The following CSNK2B variants were observed in gnomAD, a reference collection of about 807,000 sequenced individuals.
CSNK2B encodes the protein casein kinase 2 beta.
CSNK2B carries 2 observed loss-of-function variants against 28.8 expected under a neutral mutation model. The observed-to-expected ratio is 0.07, with a 90% CI of 0.03 to 0.22. The LOEUF (loss-of-function observed/expected upper bound fraction) is 0.22, where lower values mean the gene tolerates loss of function less well. Among genes scored for constraint, CSNK2B ranks in the 10% least tolerant of loss-of-function variants. The pLI, the probability that CSNK2B is intolerant of heterozygous loss-of-function variation, is 1.00. For missense variants in CSNK2B, 107 were observed against 277.9 expected, an observed-to-expected ratio of 0.39 and a Z score of 4.37; for synonymous variants, 89 against 96.1, an observed-to-expected ratio of 0.93 and a Z score of 0.43.
Position 31,669,466 on chromosome 6 carries a change from C to G in CSNK2B, c.515C>G (p.Pro172Arg), listed in dbSNP as rs1355013043. Reference protein sequence around the residue: ...GFPHMLFMVHPEYRPKRPANQ... With the variant: ...GFPHMLFMVHREYRPKRPANQ... ...CCTCACATGCTCTTCATGGTGCATC[C>G]CGAGTACCGGCCCAAGAGACCTGCC... The change falls in exon 6 of 7, where the codon CCC becomes CGC. Residue 172 changes from proline (P) to arginine (R), a missense_variant. Transcript: ENST00000375882. This position sits in a 1 kb window ranked among gnomAD's most constrained non-coding sequence, Gnocchi z 4.8. 1 of 1,612,966 alleles carries G rather than the reference C, an allele frequency of 6.2e-7. No homozygotes were observed. Among genetic ancestry groups the G allele is most frequent in the South Asian group, 1.1e-5 (1 of 91,082 alleles).
chr6:31,670,001 T>A lies in CSNK2B; in HGVS notation c.*75T>A. The A allele has an allele frequency of 8.0e-7, 1 of 1,242,890 alleles. No homozygotes were observed. The highest frequency in any genetic ancestry group is 1.4e-5 in the South Asian group (1 of 70,652). 77.0% of individuals were successfully genotyped at this position (1,242,890 alleles called of 1,614,324 possible). A position where few individuals can be genotyped will look rare whatever the true frequency, so the allele number is the denominator to read the frequency against. ...CCACCCTTTCAGGAACCCTGTATGG[T>A]TTTTAGTTTAAATTAAAGGAGTCGT... is the stretch of plus-strand genomic sequence containing the variant. On this transcript the variant is annotated 3_prime_UTR_variant, in exon 7 of 7. Coordinates refer to ENST00000375882, the MANE Select transcript of CSNK2B (RefSeq NM_001320.7).
chr6:31,669,790 G>C lies in CSNK2B; in HGVS notation c.558-46G>C, dbSNP rs769193185. ...GGAATGCAGGTGACTGGCAGGGCCT[G>C]GATGGGGCTCATGCTGCTGCCTCTC... On this transcript the variant is annotated intron_variant, in intron 6 of 6. Coordinates refer to ENST00000375882, the MANE Select transcript of CSNK2B (RefSeq NM_001320.7). This position sits in a 1 kb window ranked among gnomAD's most constrained non-coding sequence, Gnocchi z 4.8. The C allele has an allele frequency of 6.5e-7, 1 of 1,529,652 alleles. No homozygotes were observed. The highest frequency in any genetic ancestry group is 1.8e-5 in the Admixed American group (1 of 55,256). The allele number at this position is 1,529,652 out of a possible 1,614,324, so 94.8% of individuals were successfully genotyped here.
intron 4 of CSNK2B, 28 bp downstream of exon 4, chr6:31,668,682 C>G (rs921985288): frequency 2.5e-6 from 4 of 1,586,208 alleles, no homozygotes; most frequent in Non-Finnish European, 3.5e-6. Flanking sequence ...CTACCTGCCT[C>G]CTTCTGAGCA....
At chr6:31,668,430 C>A in intron 3 of CSNK2B, 109 bp from the exon 4 acceptor site, 2 of 932,500 alleles carry the variant, frequency 2.1e-6, no homozygotes, top group South Asian at 1.5e-5. Flanking sequence ...GGGGTAAGGC[C>A]CAAAAGTAGG....
chr6:31,669,556 C>T lies in CSNK2B; in HGVS notation c.557+48C>T. ...AAGGGTCAAAGGAAAGGCCCAAGAT[C>T]CCCCAGAGAGGGGAGGACAGGGCAT... On this transcript the variant is annotated intron_variant, in intron 6 of 6. Coordinates refer to ENST00000375882, the MANE Select transcript of CSNK2B (RefSeq NM_001320.7). The surrounding 1 kb of genome is among the most constrained non-coding windows in gnomAD (Gnocchi z 4.8). 6.4e-7 allele frequency: 1 copy of T among 1,571,980 alleles called. No homozygotes were observed.
intron 4 of CSNK2B, 100 bp downstream of exon 4, chr6:31,668,754 T>C: frequency 9.0e-7 from 1 of 1,110,124 alleles, no homozygotes; most frequent in Non-Finnish European, 1.4e-6. Flanking sequence ...GGAAGCTAGC[T>C]GAGAAGAGGG....
In CSNK2B at chr6:31,668,405, G is replaced by A. The variant is rs181938119; in HGVS notation, c.176-134G>A. On this transcript the variant is annotated intron_variant, in intron 3 of 6. Coordinates refer to ENST00000375882, the MANE Select transcript of CSNK2B (RefSeq NM_001320.7). ...AGAAGCCCAGGTTTCTGGGTCCCATGCCCAGATGTTGGATGGGGTAAGGCC... is the reference window on the plus strand; with the variant it reads ...AGAAGCCCAGGTTTCTGGGTCCCATACCCAGATGTTGGATGGGGTAAGGCC... 23 of 693,398 alleles carry A rather than the reference G, an allele frequency of 3.3e-5. No individual in the cohort carries two copies. In the East Asian group the frequency reaches 6.2e-4, roughly 19 times the overall value. The allele number at this position is 693,398 out of a possible 1,614,324, so 43.0% of individuals were successfully genotyped here.
chr6:31,666,288 C>G, intron 1 of CSNK2B, 80 bp downstream of exon 1: 32 of 658,206 alleles, frequency 4.9e-5, no homozygotes, highest in Middle Eastern at 7.6e-4. Context: ...GATGTGGGGG[C>G]GGGGGAGGAA....
Position 31,669,839 on chromosome 6 carries a change from C to G in CSNK2B, c.561C>G (p.Leu187=). 6.2e-7 allele frequency: 1 copy of G among 1,612,698 alleles called. No individual in the cohort carries two copies. The highest frequency in any genetic ancestry group is 8.5e-7 in the Non-Finnish European group (1 of 1,179,904). ...TCTGACCTCTGCCCTGGCCTAGGCT[C>G]TACGGTTTCAAGATCCATCCGATGG... ...KRPANQFVPR[L]YGFKIHPMAY... Residue 187 remains leucine (L), a synonymous_variant, in exon 7 of 7, where the codon CTC becomes CTG. Transcript: ENST00000375882. This position sits in a 1 kb window ranked among gnomAD's most constrained non-coding sequence, Gnocchi z 4.8.
chr6:31,669,231 G>T lies in CSNK2B; in HGVS notation c.367+59G>T. 1 of 1,599,012 alleles carries T rather than the reference G, an allele frequency of 6.3e-7. No individual in the cohort carries two copies. The highest frequency in any genetic ancestry group is 8.6e-7 in the Non-Finnish European group (1 of 1,166,636). On this transcript the variant is annotated intron_variant, in intron 5 of 6. Coordinates refer to ENST00000375882, the MANE Select transcript of CSNK2B (RefSeq NM_001320.7). This position sits in a 1 kb window ranked among gnomAD's most constrained non-coding sequence, Gnocchi z 4.8. ...GTGGCAGTCTTATGGGAAGGAGTTG[G>T]GGCTCAACACATTGGAGCCTGAGTC...
intron 1 of CSNK2B, 61 bp from the exon 2 acceptor site, chr6:31,666,760 G>C (rs1488802786): frequency 1.4e-6 from 2 of 1,382,176 alleles, no homozygotes; most frequent in Non-Finnish European, 2.0e-6. Flanking sequence ...TGTGGGAGGA[G>C]GGAGGATACC....
At chr6:31,668,469 C>T in intron 3 of CSNK2B, 70 bp from the exon 4 acceptor site, 2 of 1,382,940 alleles carry the variant, frequency 1.4e-6, no homozygotes, top group South Asian at 2.4e-5. Context: ...GCCCGCAGCC[C>T]CTGGATATGG....
At chr6:31,668,914 G>T (rs1801985528) in intron 4 of CSNK2B, 183 bp from the exon 5 acceptor site, 2 of 616,948 alleles carry the variant, frequency 3.2e-6, no homozygotes, top group Non-Finnish European at 5.8e-6. Context: ...GGCTCTGATG[G>T]TTTGTAGCCT....
Position 31,669,747 on chromosome 6 carries a change from A to ACCT in CSNK2B, c.558-89_558-88insCCT. 1 of 1,198,652 alleles carries ACCT rather than the reference A, an allele frequency of 8.3e-7. No individual in the cohort carries two copies. The highest frequency in any genetic ancestry group is 1.2e-6 in the Non-Finnish European group (1 of 843,782). 74.3% of individuals were successfully genotyped at this position (1,198,652 alleles called of 1,614,324 possible). ...TTAGCTCTGAGCAGGTCCATAGAGG[A>ACCT]GCTCAGGTGGGGAGGTGGGAATGCA... On this transcript the variant is annotated intron_variant, in intron 6 of 6. Transcript: ENST00000375882. This position sits in a 1 kb window ranked among gnomAD's most constrained non-coding sequence, Gnocchi z 4.8.
intron 2 of CSNK2B, chr6:31,667,184 G>T (rs376148815): frequency 1.6e-4 from 95 of 608,478 alleles, no homozygotes; most frequent in African/African-American, 1.5e-3. Flanking sequence ...GAGGCTGGAG[G>T]GTAGTGGTGC....
In CSNK2B at chr6:31,669,567, G is replaced by A. The variant is rs981665844; in HGVS notation, c.557+59G>A. On this transcript the variant is annotated intron_variant, in intron 6 of 6. Transcript: ENST00000375882. This position sits in a 1 kb window ranked among gnomAD's most constrained non-coding sequence, Gnocchi z 4.8. ...GAAAGGCCCAAGATCCCCCAGAGAG[G>A]GGAGGACAGGGCATGGCCCTTTCTT... 15 of 1,551,960 alleles carry A rather than the reference G, an allele frequency of 9.7e-6. No homozygotes were observed. The Admixed American group carries it at 2.1e-4, about 22-fold the overall frequency.
At position 31,669,169 on chromosome 6, in the gene CSNK2B, A is replaced by G; in HGVS notation, c.364A>G (p.Ile122Val). The G allele has an allele frequency of 1.2e-6, 2 of 1,613,456 alleles. No individual in the cohort carries two copies. Among genetic ancestry groups the G allele is most frequent in the East Asian group, 2.2e-5 (1 of 44,882 alleles). ...CTGTGAGAACCAGCCAATGCTTCCC[A>G]TTGGTGAGTGTTGAAGAAGGGAAAG... ...VYCENQPMLP[I>V]GLSDIPGEAM... Residue 122 changes from isoleucine (I) to valine (V), a missense_variant, in exon 5 of 7, where the codon ATT (isoleucine) becomes GTT (valine). Transcript: ENST00000375882. The surrounding 1 kb of genome is among the most constrained non-coding windows in gnomAD (Gnocchi z 4.8).
chr6:31,667,996 T>C, intron 3 of CSNK2B, 26 bp downstream of exon 3: 1 of 1,412,786 alleles, frequency 7.1e-7, no homozygotes, highest in Non-Finnish European at 1.0e-6. Flanking sequence ...GGTTGTTTTG[T>C]GTGTGTGCGT....
In CSNK2B at chr6:31,666,784, GA is replaced by G. The variant is rs575187246; in HGVS notation, c.-11-36del. 474 of 1,541,814 alleles carry G rather than the reference GA, an allele frequency of 3.1e-4. 2 individuals are homozygous for G. The African/African-American group carries it at 5.7e-3, about 18-fold the overall frequency. Reference sequence around the variant, plus strand: ...AGGGAGGATACCAGAGGCAGGGAAGGAGAACTTGAGCTTTACTGACACTGTT... The same window carrying G: ...AGGGAGGATACCAGAGGCAGGGAAGGGAACTTGAGCTTTACTGACACTGTT... On this transcript the variant is annotated intron_variant, in intron 1 of 6. Coordinates refer to ENST00000375882, the MANE Select transcript of CSNK2B (RefSeq NM_001320.7).
Sources: allele counts gnomAD v4.1 joint callset, GRCh38; gene constraint gnomAD v4.1.1; non-coding constraint Gnocchi (gnomAD v3.1); transcripts MANE v1.5; gene names NCBI Gene and HGNC (gene_info 2026-07-23, HGNC 2026-07-21).